NAALADL2: variants seen among roughly 807,000 people sequenced by gnomAD.
The protein encoded by NAALADL2 is inactive N-acetylated-alpha-linked acidic dipeptidase-like protein 2.
In NAALADL2, 76 loss-of-function variants were observed where a neutral mutation model predicts 87.2. That is an observed-to-expected ratio of 0.87 (90% CI 0.72 to 1.05). The LOEUF (loss-of-function observed/expected upper bound fraction) is 1.05. Among genes scored for constraint, NAALADL2 ranks in the 50% least tolerant of loss-of-function variants. NAALADL2 has a pLI of 0.00. For synonymous variants in NAALADL2, 354 were observed against 331.0 expected, an observed-to-expected ratio of 1.07 and a Z score of -0.75; for missense variants, 1,089 against 945.8, an observed-to-expected ratio of 1.15 and a Z score of -1.99.
intron 2 of NAALADL2, among the ~76,000 whole-genome samples, chr3:175,226,460 C>G (rs1744163833): frequency 1.3e-5 from 2 of 152,056 alleles, no homozygotes; most frequent in Admixed American, 6.6e-5. Context: ...GAAAGCATCT[C>G]AGATTGGGAA....
intron 1 of NAALADL2, among the ~76,000 whole-genome samples, chr3:174,910,662 G>A (rs189219518): frequency 1.3e-5 from 2 of 152,080 alleles, no homozygotes; most frequent in African/African-American, 2.4e-5. Flanking sequence ...ACGAGCAGTG[G>A]GGAGTGAGGG....
At chr3:174,910,477 A>G (rs1733554124) in intron 1 of NAALADL2, among the ~76,000 whole-genome samples, 1 of 152,076 alleles carries the variant, frequency 6.6e-6, no homozygotes, top group Non-Finnish European at 1.5e-5. Context: ...TGGGGGTGGG[A>G]ACTGAGGAAT....
At position 174,787,598 on chromosome 3, in the gene NAALADL2, T is replaced by TATACACAC. The variant is rs1553855297; in HGVS notation, c.-9+49855_-9+49856insCACACATA. 1.8e-4 allele frequency among the ~76,000 whole-genome samples: 11 copies of TATACACAC among 60,184 alleles called. 2 individuals are homozygous for TATACACAC. The highest frequency in any genetic ancestry group is 4.6e-4 in the African/African-American group (8 of 17,242). The allele number at this position is 60,184 out of a possible 152,430, so 39.5% of individuals were successfully genotyped here. A position where few individuals can be genotyped will look rare whatever the true frequency, so the allele number is the denominator to read the frequency against. On this transcript the variant is annotated intron_variant, in intron 3 of 3. Transcript: ENST00000434257. ...CATCATATATATATATATATATATATATATATATATATATATATATATAGT... is the reference window on the plus strand; with the variant it reads ...CATCATATATATATATATATATATATATACACACATATATATATATATATATATATAGT...
intron 11 of NAALADL2, among the ~76,000 whole-genome samples, chr3:175,658,285 G>A (rs1731779729): frequency 6.6e-6 from 1 of 152,106 alleles, no homozygotes; most frequent in Non-Finnish European, 1.5e-5. Flanking sequence ...CCAAATGACA[G>A]GGCCGACAAT....
chr3:175,124,702 A>G (rs1726672362), intron 2 of NAALADL2: 1 of 152,064 alleles, frequency 6.6e-6, no homozygotes. Flanking sequence ...GGATTAAGAA[A>G]AGTGCTTAAA....
intron 11 of NAALADL2, among the ~76,000 whole-genome samples, chr3:175,715,246 C>T (rs1170850877): frequency 6.6e-6 from 1 of 152,146 alleles, no homozygotes; most frequent in African/African-American, 2.4e-5. Flanking sequence ...CTGGCTGCTA[C>T]ACCATTGTTC....
At chr3:175,186,150 T>C (rs552943670) in intron 2 of NAALADL2, among the ~76,000 whole-genome samples, 1 of 152,200 alleles carries the variant, frequency 6.6e-6, no homozygotes, top group Admixed American at 6.5e-5. Flanking sequence ...GTACGACATA[T>C]TGTACATGTT....
At chr3:175,720,031 A>G (rs780950178) in intron 11 of NAALADL2, among the ~76,000 whole-genome samples, 3 of 152,192 alleles carry the variant, frequency 2.0e-5, no homozygotes, top group African/African-American at 4.8e-5. Flanking sequence ...TGGGGGTTAG[A>G]ATTTCAACAT....
At chr3:174,678,261 T>C (rs887242460) in intron 2 of NAALADL2, among the ~76,000 whole-genome samples, 1 of 152,160 alleles carries the variant, frequency 6.6e-6, no homozygotes, top group African/African-American at 2.4e-5. Context: ...AGAATTTGAA[T>C]TTCTAACCAG....
At chr3:175,021,144 G>A (rs1439072764) in intron 1 of NAALADL2, among the ~76,000 whole-genome samples, 4 of 151,978 alleles carry the variant, frequency 2.6e-5, no homozygotes, top group African/African-American at 9.7e-5. Context: ...ACTATCAAAA[G>A]AGGAAAAAGT....
At chr3:175,774,646 G>A (rs1411444317) in intron 13 of NAALADL2, among the ~76,000 whole-genome samples, 3 of 151,968 alleles carry the variant, frequency 2.0e-5, no homozygotes, top group Non-Finnish European at 4.4e-5. Flanking sequence ...CTGTGGTTGT[G>A]TGATCTGGAC....
intron 11 of NAALADL2, among the ~76,000 whole-genome samples, chr3:175,733,103 A>G (rs1744009205): frequency 6.6e-6 from 1 of 152,118 alleles, no homozygotes. Flanking sequence ...TTTCTAATAA[A>G]CACATTTTCC....
At chr3:174,694,440 C>A (rs1394189646) in intron 2 of NAALADL2, among the ~76,000 whole-genome samples, 1 of 151,966 alleles carries the variant, frequency 6.6e-6, no homozygotes, top group African/African-American at 2.4e-5. Context: ...CTAGTAAACT[C>A]TTTGAGAGAA....
At chr3:174,594,111 CG>C (rs5854583) in intron 2 of NAALADL2, among the ~76,000 whole-genome samples, 72,588 of 151,912 alleles carry the variant, frequency 0.48, 20,135 homozygotes, top group East Asian at 0.8. Context: ...TAGTCAGCTG[CG>C]GTTACTTAAC....
At chr3:175,786,006 T>C (rs1172179681) in intron 13 of NAALADL2, among the ~76,000 whole-genome samples, 1 of 151,212 alleles carries the variant, frequency 6.6e-6, no homozygotes, top group African/African-American at 2.4e-5. Context: ...TGAAAATTCT[T>C]TTAAGAATGT....
rs184364135 is a variant in NAALADL2, at chr3:175,214,921, C to A, written c.546-19010C>A. On this transcript the variant is annotated intron_variant, in intron 2 of 13. Coordinates refer to ENST00000454872, the MANE Select transcript of NAALADL2 (RefSeq NM_207015.3). ...TGTTGTGGAGTTTACTTGACACACA[C>A]AAAAAAATATACAAGGTATTTTTGT... 9.5e-4 allele frequency among the ~76,000 whole-genome samples: 145 copies of A among 152,022 alleles called. 1 individual carries two copies. The highest frequency in any genetic ancestry group is 1.5e-3 in the Non-Finnish European group (103 of 67,950).
chr3:174,488,006 T>C (rs943452641), intron 1 of NAALADL2, among the ~76,000 whole-genome samples: 5 of 151,966 alleles, frequency 3.3e-5, no homozygotes, highest in African/African-American at 9.7e-5. Flanking sequence ...TGAACTGAAA[T>C]AGATCTGTGA....
intron 1 of NAALADL2, among the ~76,000 whole-genome samples, chr3:175,015,157 T>C (rs1750651056): frequency 6.6e-6 from 1 of 152,116 alleles, no homozygotes; most frequent in Non-Finnish European, 1.5e-5. Flanking sequence ...AATATTATAA[T>C]TTGAGACTAG....
chr3:174,657,060 T>A (rs1725021232), intron 2 of NAALADL2, among the ~76,000 whole-genome samples: 1 of 148,052 alleles, frequency 6.8e-6, no homozygotes, highest in Admixed American at 6.8e-5. Context: ...TTTTTTTTTT[T>A]GCTCCGTTGC....
Sources: allele counts gnomAD v4.1 joint callset (sites outside exome capture counted in the v4.1 genomes callset), GRCh38; gene constraint gnomAD v4.1.1; transcripts MANE v1.5; gene names NCBI Gene and HGNC (gene_info 2026-07-23, HGNC 2026-07-21).